ANO10: variants seen among roughly 807,000 people sequenced by gnomAD.
ANO10 encodes anoctamin-10.
ANO10 carries 77 observed loss-of-function variants against 74.7 expected under a neutral mutation model. The observed-to-expected ratio is 1.03, with a 90% CI of 0.86 to 1.25. The LOEUF (loss-of-function observed/expected upper bound fraction) is 1.25, where lower values mean the gene tolerates loss of function less well. Ranked by LOEUF, ANO10 falls within the 50% of genes most tolerant of loss-of-function variation. The probability of loss-of-function intolerance (pLI) is 0.00; values close to 1 mark genes in which losing one functional copy is unlikely to be tolerated. For synonymous variants in ANO10, 279 were observed against 284.9 expected (o/e 0.98, Z 0.21); for missense variants, 721 against 778.1 (o/e 0.93, Z 0.87).
chr3:43,665,124 C>T lies in ANO10; in HGVS notation c.-12+26393G>A, dbSNP rs565281002. On this transcript the variant is annotated intron_variant, in intron 1 of 3. Coordinates refer to the ANO10 transcript ENST00000413397. ...ACAATAGCAAAGACTTGGAACCAAC[C>T]CAAATGTCTATCAATGATAGACTGG... 5.3e-5 allele frequency among the ~76,000 whole-genome samples: 8 copies of T among 152,244 alleles called. No homozygotes were observed. The South Asian group carries it at 1.5e-3, about 28-fold the overall frequency.
chr3:43,502,598 CT>C (rs769758895), intron 11 of ANO10, among the ~76,000 whole-genome samples: 8 of 152,040 alleles, frequency 5.3e-5, no homozygotes, highest in Non-Finnish European at 1.0e-4. Context: ...AAATAAACCT[CT>C]TTTAAAAACA....
At chr3:43,479,018 T>C (rs925622797) in intron 11 of ANO10, among the ~76,000 whole-genome samples, 2 of 152,196 alleles carry the variant, frequency 1.3e-5, no homozygotes, top group African/African-American at 4.8e-5. Flanking sequence ...AGGACATAGA[T>C]TATTGTGTTA....
rs545844959 is a variant in ANO10, at chr3:43,470,622, T to G, written c.1798-37895A>C. Among the ~76,000 whole-genome samples the G allele has an allele frequency of 1.0e-4, 15 of 148,710 alleles. 1 individual carries two copies. The South Asian group carries it at 2.1e-3, about 21-fold the overall frequency. On this transcript the variant is annotated intron_variant, in intron 11 of 12. Coordinates refer to ENST00000292246, the MANE Select transcript of ANO10 (RefSeq NM_018075.5). ...TTTATTTATTTATTTATTTATTTAT[T>G]TATTTATGTATTTATTTATTTTGAG...
At chr3:43,409,021 C>T (rs1267373677) in intron 12 of ANO10, among the ~76,000 whole-genome samples, 1 of 151,942 alleles carries the variant, frequency 6.6e-6, no homozygotes, top group African/African-American at 2.4e-5. Flanking sequence ...AAAAGAAACC[C>T]TGTCTCAAAA....
chr3:43,681,904 A>G (rs757939806), intron 1 of ANO10, among the ~76,000 whole-genome samples: 3 of 152,252 alleles, frequency 2.0e-5, no homozygotes, highest in Non-Finnish European at 4.4e-5. Flanking sequence ...ACAACATACA[A>G]GAACTTCTGG....
chr3:43,565,784 C>T (rs1422445417), intron 7 of ANO10, 57 bp from the exon 8 acceptor site: 2 of 1,497,572 alleles, frequency 1.3e-6, no homozygotes, highest in Non-Finnish European at 1.8e-6. Flanking sequence ...GAGTACTTTA[C>T]TACAACTGTA....
chr3:43,487,688 T>C (rs1322583334), intron 11 of ANO10, among the ~76,000 whole-genome samples: 1 of 152,236 alleles, frequency 6.6e-6, no homozygotes. Context: ...ATTAGATTCT[T>C]CTCTCTTTTT....
chr3:43,449,230 C>T (rs1349230151), intron 11 of ANO10, among the ~76,000 whole-genome samples: 3 of 152,066 alleles, frequency 2.0e-5, no homozygotes, highest in Non-Finnish European at 2.9e-5. Flanking sequence ...ATTTTGGATA[C>T]AAATCCTTTA....
At chr3:43,691,126 G>C in intron 1 of ANO10, 1 of 1,305,996 alleles carries the variant, frequency 7.7e-7, no homozygotes, top group Non-Finnish European at 9.9e-7. Flanking sequence ...CAGCACCAAG[G>C]AGTCGCCGCC....
At chr3:43,479,704 C>G (rs570320660) in intron 11 of ANO10, among the ~76,000 whole-genome samples, 1 of 152,200 alleles carries the variant, frequency 6.6e-6, no homozygotes, top group Non-Finnish European at 1.5e-5. Context: ...GATGAACTTA[C>G]GTCTGCTCTC....
At position 43,498,261 on chromosome 3, in the gene ANO10, C is replaced by T. The variant is rs542336306; in HGVS notation, c.1797+51459G>A. ...AGGAGACAGTGGGAGTTTTCCTGCC[C>T]ACTTCTTGGGAAGCCACTGGCTGTT... On this transcript the variant is annotated intron_variant, in intron 11 of 12. Transcript: ENST00000292246. Among the ~76,000 whole-genome samples the T allele has an allele frequency of 7.1e-4, 108 of 152,300 alleles. 1 individual carries two copies. Among genetic ancestry groups the T allele is most frequent in the African/African-American group, 2.5e-3 (102 of 41,576 alleles).
At chr3:43,389,023 C>T (rs2092205722) in intron 12 of ANO10, among the ~76,000 whole-genome samples, 1 of 152,210 alleles carries the variant, frequency 6.6e-6, no homozygotes, top group Non-Finnish European at 1.5e-5. Flanking sequence ...GCCCATGTTA[C>T]TGGTACTCTT....
At chr3:43,520,756 G>T (rs975796957) in intron 11 of ANO10, among the ~76,000 whole-genome samples, 5 of 152,028 alleles carry the variant, frequency 3.3e-5, no homozygotes, top group African/African-American at 4.8e-5. Context: ...TAGCTATTCT[G>T]GGTTCCTTGC....
rs1024334479 is a variant in ANO10, at chr3:43,685,933, G to A, written c.-12+5584C>T. ...TTTTTCACACGATGTCTTAGATTTT[G>A]ATGTGGCTAAATTAATCACTCTTTT... On this transcript the variant is annotated intron_variant, in intron 1 of 3. Coordinates refer to the ANO10 transcript ENST00000413397. 5.3e-5 allele frequency among the ~76,000 whole-genome samples: 8 copies of A among 152,220 alleles called. No homozygotes were observed. The East Asian group carries it at 5.8e-4, about 11-fold the overall frequency.
chr3:43,424,294 T>C (rs1399848611), intron 12 of ANO10, among the ~76,000 whole-genome samples: 1 of 152,244 alleles, frequency 6.6e-6, no homozygotes, highest in Non-Finnish European at 1.5e-5. Flanking sequence ...TAGCTGCCCT[T>C]GCTCATTCCT....
In ANO10 at chr3:43,394,004, G is replaced by A. The variant is rs13076840; in HGVS notation, c.1915-27030C>T. On this transcript the variant is annotated intron_variant, in intron 12 of 12. Coordinates refer to ENST00000292246, the MANE Select transcript of ANO10 (RefSeq NM_018075.5). Reference sequence around the variant, plus strand: ...CTAGGAGAGAATGAACACCCCTGGGGGTGGGAAAAGGCTGTGAACACTCAC... The same window carrying A: ...CTAGGAGAGAATGAACACCCCTGGGAGTGGGAAAAGGCTGTGAACACTCAC... 9.8e-3 allele frequency among the ~76,000 whole-genome samples: 1,495 copies of A among 152,224 alleles called. 17 individuals carry two copies. The highest frequency in any genetic ancestry group is 0.017 in the Non-Finnish European group (1,167 of 68,002).
chr3:43,631,283 C>T (rs558954982), intron 1 of ANO10, among the ~76,000 whole-genome samples: 3 of 152,288 alleles, frequency 2.0e-5, no homozygotes, highest in African/African-American at 7.2e-5. Context: ...GATCTGCAAC[C>T]CCTTCTCCAG....
intron 7 of ANO10, among the ~76,000 whole-genome samples, chr3:43,573,317 T>G (rs555854131): frequency 8.6e-4 from 131 of 152,278 alleles, no homozygotes; most frequent in Middle Eastern, 6.8e-3. Context: ...ATTGCCCAAT[T>G]GTTGAATTCT....
At position 43,411,709 on chromosome 3, in the gene ANO10, C is replaced by T. The variant is rs537646942; in HGVS notation, c.1914+20902G>A. The stretch of plus-strand genomic sequence containing the variant: ...AACTCATACTTTAGCTACAAAAAAG[C>T]AGATGGTTTCAAGTCCAATGTAGGG... On this transcript the variant is annotated intron_variant, in intron 12 of 12. Coordinates refer to ENST00000292246, the MANE Select transcript of ANO10 (RefSeq NM_018075.5). Among the ~76,000 whole-genome samples, 3 of 152,238 alleles carry T rather than the reference C, an allele frequency of 2.0e-5. No individual in the cohort carries two copies. In the East Asian group the frequency reaches 5.8e-4, roughly 29 times the overall value.
Sources: allele counts gnomAD v4.1 joint callset (sites outside exome capture counted in the v4.1 genomes callset), GRCh38; gene constraint gnomAD v4.1.1; transcripts MANE v1.5; gene names NCBI Gene and HGNC (gene_info 2026-07-23, HGNC 2026-07-21).